CFAP299: variants seen among roughly 807,000 people sequenced by gnomAD.
The protein encoded by CFAP299 is cilia- and flagella-associated protein 299.
In CFAP299, 21 loss-of-function variants were observed where a neutral mutation model predicts 27.0. The ratio of observed to expected loss-of-function variants is 0.78; its 90% CI spans 0.55 to 1.12. CFAP299 has a LOEUF of 1.12. Among genes scored for constraint, CFAP299 ranks in the 50% most tolerant of loss-of-function variants. CFAP299 has a pLI of 0.00. For synonymous variants in CFAP299, 104 were observed against 98.1 expected, an observed-to-expected ratio of 1.06 and a Z score of -0.36; for missense variants, 310 against 276.6, an observed-to-expected ratio of 1.12 and a Z score of -0.86.
At chr4:80,547,335 T>C (rs1419168448) in intron 2 of CFAP299, among the ~76,000 whole-genome samples, 1 of 152,144 alleles carries the variant, frequency 6.6e-6, no homozygotes, top group East Asian at 1.9e-4. Context: ...ATGCAGAAGA[T>C]TGAAACTGGA....
chr4:80,383,847 G>GT (rs140855851), intron 2 of CFAP299, among the ~76,000 whole-genome samples: 24,109 of 150,876 alleles, frequency 0.16, 2,061 homozygotes, highest in East Asian at 0.25. Context: ...TTATCTATCT[G>GT]TTTTTTTTTG....
intron 3 of CFAP299, among the ~76,000 whole-genome samples, chr4:80,729,781 T>G (rs1723394929): frequency 6.6e-6 from 1 of 151,780 alleles, no homozygotes; most frequent in Admixed American, 6.6e-5. Context: ...TTTTTGTATT[T>G]TTCAGTAGAG....
chr4:80,699,796 A>T (rs1721354799), intron 3 of CFAP299, among the ~76,000 whole-genome samples: 1 of 152,186 alleles, frequency 6.6e-6, no homozygotes, highest in Non-Finnish European at 1.5e-5. Context: ...GTTTTCCTGC[A>T]ACATTATATA....
Position 80,910,818 on chromosome 4 carries a change from A to T in CFAP299, c.477-33992A>T, listed in dbSNP as rs148472001. ...TGAACTTAAAATAAAAGTTAAAAAA[A>T]AAATTATTGTCATCACTGACTATTC... On this transcript the variant is annotated intron_variant, in intron 4 of 5. Coordinates refer to ENST00000358105, the MANE Select transcript of CFAP299 (RefSeq NM_152770.3). 3.7e-4 allele frequency among the ~76,000 whole-genome samples: 56 copies of T among 152,260 alleles called. 1 individual carries two copies. The highest frequency in any genetic ancestry group is 3.4e-3 in the Middle Eastern group (1 of 294).
At chr4:80,874,744 A>G (rs1283849810) in intron 4 of CFAP299, among the ~76,000 whole-genome samples, 2 of 152,180 alleles carry the variant, frequency 1.3e-5, no homozygotes, top group African/African-American at 4.8e-5. Flanking sequence ...TTTGGAGGGG[A>G]CACATTCAAA....
chr4:80,326,815 C>T, the CFAP299 span, among the ~76,000 whole-genome samples: 3 of 152,122 alleles, frequency 2.0e-5, no homozygotes, highest in Middle Eastern at 3.4e-3. Flanking sequence ...TATAAAACTT[C>T]GTTGTTTATA....
chr4:80,408,383 T>C (rs1465942473), intron 2 of CFAP299, among the ~76,000 whole-genome samples: 1 of 152,228 alleles, frequency 6.6e-6, no homozygotes, highest in Non-Finnish European at 1.5e-5. Context: ...ATTGAAGATT[T>C]CTCAGTCATT....
intron 3 of CFAP299, among the ~76,000 whole-genome samples, chr4:80,800,147 A>G (rs1317370695): frequency 2.9e-3 from 178 of 60,440 alleles, no homozygotes; most frequent in Non-Finnish European, 3.9e-3. Context: ...ATATAAATAT[A>G]TTTATATAAT....
intron 3 of CFAP299, among the ~76,000 whole-genome samples, chr4:80,773,124 A>G (rs1726319489): frequency 6.6e-6 from 1 of 152,150 alleles, no homozygotes; most frequent in South Asian, 2.1e-4. Context: ...AATAGGAGCT[A>G]TTTTATCTAT....
rs536639136 is a variant in CFAP299, at chr4:80,703,764, C to A, written c.333+120581C>A. ...TTTACCATCCAACATAAATATTTTC[C>A]TCCAAGCATGTTATCCTTTTACACC... On this transcript the variant is annotated intron_variant, in intron 3 of 5. Transcript: ENST00000358105. Among the ~76,000 whole-genome samples, 177 of 151,800 alleles carry A rather than the reference C, an allele frequency of 1.2e-3. No individual in the cohort carries two copies. In the Middle Eastern group the frequency reaches 0.014, roughly 12 times the overall value.
chr4:80,591,104 A>ATTTTTTTTTTTTTTTTTTT lies in CFAP299; in HGVS notation c.333+7921_333+7922insTTTTTTTTTTTTTTTTTTT, dbSNP rs1339201630. On this transcript the variant is annotated intron_variant, in intron 3 of 5. Transcript: ENST00000358105. ...AGAAACAGATTATAATACTTTAGGA[A>ATTTTTTTTTTTTTTTTTTT]ATTTTTTTTTTTTTTTTTTTTTTTT... Among the ~76,000 whole-genome samples, 8 of 116,498 alleles carry ATTTTTTTTTTTTTTTTTTT rather than the reference A, an allele frequency of 6.9e-5. 2 individuals are homozygous for ATTTTTTTTTTTTTTTTTTT. The highest frequency in any genetic ancestry group is 6.9e-5 in the Non-Finnish European group (4 of 58,340). 76.4% of individuals were successfully genotyped at this position (116,498 alleles called of 152,430 possible).
chr4:80,955,051 T>G (rs1737999592), intron 5 of CFAP299, among the ~76,000 whole-genome samples: 1 of 125,528 alleles, frequency 8.0e-6, no homozygotes. Context: ...CATGGCCATA[T>G]ACAGAGTAGT....
chr4:80,689,551 A>G (rs1336418018), intron 3 of CFAP299, among the ~76,000 whole-genome samples: 2 of 152,208 alleles, frequency 1.3e-5, no homozygotes, highest in Non-Finnish European at 2.9e-5. Context: ...AGTGCTAAAC[A>G]TGGAAAGGAA....
rs144822575 is a variant in CFAP299 at position 80,375,841 on chromosome 4, T to C, written c.242+12957T>C. ...GGGCCACCCAGAAAACAATATGTCATGAGCTCAATTGCTGAGGCTGACAAA... is the reference window on the plus strand; with the variant it reads ...GGGCCACCCAGAAAACAATATGTCACGAGCTCAATTGCTGAGGCTGACAAA... On this transcript the variant is annotated intron_variant, in intron 2 of 5. Transcript: ENST00000358105. Among the ~76,000 whole-genome samples, 60 of 152,336 alleles carry C rather than the reference T, an allele frequency of 3.9e-4. No homozygotes were observed. The East Asian group carries it at 9.6e-3, about 24-fold the overall frequency.
intron 3 of CFAP299, among the ~76,000 whole-genome samples, chr4:80,753,302 T>G (rs1483896211): frequency 6.6e-6 from 1 of 151,892 alleles, no homozygotes; most frequent in Non-Finnish European, 1.5e-5. Flanking sequence ...GTGAGCATCT[T>G]AGAGATATTA....
chr4:80,750,957 A>G (rs1405257164), intron 3 of CFAP299, among the ~76,000 whole-genome samples: 1 of 152,306 alleles, frequency 6.6e-6, no homozygotes, highest in East Asian at 1.9e-4. Flanking sequence ...ATTGGGTTAC[A>G]ACATGCTCCT....
In CFAP299 at chr4:80,955,017, AAAAAAAAAAAAAAAAAAC is replaced by A. The variant is rs1266038460; in HGVS notation, c.607-8499_607-8482del. On this transcript the variant is annotated intron_variant, in intron 5 of 5. Coordinates refer to ENST00000358105, the MANE Select transcript of CFAP299 (RefSeq NM_152770.3). ...TCCATCAAAAAAAAAAAAAAAAAAA[AAAAAAAAAAAAAAAAAAC>A]GCACACATGGCCATATACAGAGTAG... Among the ~76,000 whole-genome samples the A allele has an allele frequency of 9.7e-5, 13 of 134,412 alleles. 2 individuals are homozygous for A. In the South Asian group the frequency reaches 2.7e-3, roughly 28 times the overall value. The allele number at this position is 134,412 out of a possible 152,430, so 88.2% of individuals were successfully genotyped here.
At chr4:80,391,232 C>A (rs1449582086) in intron 2 of CFAP299, among the ~76,000 whole-genome samples, 2 of 152,056 alleles carry the variant, frequency 1.3e-5, no homozygotes, top group Non-Finnish European at 2.9e-5. Flanking sequence ...TCCTTGTATA[C>A]TCAGAACTTG....
At chr4:80,607,715 C>T (rs1737751490) in intron 3 of CFAP299, among the ~76,000 whole-genome samples, 1 of 152,148 alleles carries the variant, frequency 6.6e-6, no homozygotes, top group Non-Finnish European at 1.5e-5. Flanking sequence ...TGGCTGCAGA[C>T]TGAAAGCTAT....
Sources: gnomAD v4.1 joint callset for allele counts (sites outside exome capture counted in the v4.1 genomes callset) on GRCh38, gnomAD v4.1.1 for gene constraint, MANE v1.5 for transcripts, NCBI Gene and HGNC (gene_info 2026-07-23, HGNC 2026-07-21) for gene names.